The following TNRC6B variants were observed in gnomAD, a reference collection of about 807,000 sequenced individuals.
TNRC6B encodes the protein trinucleotide repeat-containing gene 6B protein.
Under a neutral mutation model 203.6 loss-of-function variants are expected in TNRC6B, and 52 were observed. The ratio of observed to expected loss-of-function variants is 0.26; its 90% confidence interval spans 0.20 to 0.32. The LOEUF is 0.32. Among genes scored for constraint, TNRC6B ranks in the 10% least tolerant of loss-of-function variants. The probability of loss-of-function intolerance (pLI) is 1.00; values close to 1 mark genes in which losing one functional copy is unlikely to be tolerated. For missense variants in TNRC6B, 1,923 were observed against 2,286.2 expected, an observed-to-expected ratio of 0.84 and a Z score of 3.24; for synonymous variants, 838 against 845.7, an observed-to-expected ratio of 0.99 and a Z score of 0.16.
chr22:40,333,404 TC>T lies in TNRC6B; in HGVS notation c.*10165del, dbSNP rs1388634665. 6.6e-6 allele frequency: 1 copy of T among 152,584 alleles called. No homozygotes were observed. The highest frequency in any genetic ancestry group is 1.9e-4 in the East Asian group (1 of 5,194). The allele number at this position is 152,584 out of a possible 1,614,324, so 9.5% of individuals were successfully genotyped here. ...CCTGTCTTAAATAGCTGCCATCTCTTCCAGCAATCTAGTGCCAGGGTAAGAA... is the reference window on the plus strand; with the variant it reads ...CCTGTCTTAAATAGCTGCCATCTCTTCAGCAATCTAGTGCCAGGGTAAGAA... On this transcript the variant is annotated 3_prime_UTR_variant, in exon 23 of 23. Coordinates refer to ENST00000454349, the MANE Select transcript of TNRC6B (RefSeq NM_001162501.2).
intron 11 of TNRC6B, among the ~76,000 whole-genome samples, chr22:40,283,679 G>C (rs1286702968): frequency 6.6e-6 from 1 of 152,142 alleles, no homozygotes; most frequent in Non-Finnish European, 1.5e-5. Flanking sequence ...ATATATCATA[G>C]TGCTTTGTGT....
chr22:40,250,561 C>T (rs577516716), intron 2 of TNRC6B, among the ~76,000 whole-genome samples: 6 of 152,132 alleles, frequency 3.9e-5, no homozygotes, highest in Non-Finnish European at 5.9e-5. Flanking sequence ...TTGATAATAA[C>T]AGCAAACATT....
At chr22:40,172,731 A>C (rs2069013966) in intron 4 of TNRC6B, among the ~76,000 whole-genome samples, 1 of 152,268 alleles carries the variant, frequency 6.6e-6, no homozygotes, top group South Asian at 2.1e-4. Context: ...CTCCTGGAAC[A>C]GTAAGGATAA....
chr22:40,148,133 A>G (rs774536990), intron 3 of TNRC6B, among the ~76,000 whole-genome samples: 2 of 152,214 alleles, frequency 1.3e-5, no homozygotes, highest in Non-Finnish European at 2.9e-5. Context: ...AAGATGTTCA[A>G]CATGAGTGCA....
At chr22:40,083,297 A>G (rs1286756487) in intron 1 of TNRC6B, among the ~76,000 whole-genome samples, 2 of 152,184 alleles carry the variant, frequency 1.3e-5, no homozygotes, top group Admixed American at 6.5e-5. Flanking sequence ...AATGAAATCA[A>G]AAGGAGATCA....
intron 3 of TNRC6B, among the ~76,000 whole-genome samples, chr22:40,151,174 G>C (rs1000505079): frequency 6.6e-6 from 1 of 151,276 alleles, no homozygotes; most frequent in South Asian, 2.1e-4. Flanking sequence ...AGGAGGCTGA[G>C]GCATGAGAAT....
rs537198798 is a variant in TNRC6B, at chr22:40,136,894, T to G, written c.45+11032T>G. On this transcript the variant is annotated intron_variant, in intron 3 of 23. Transcript: ENST00000301923. ...TATCAAAGGCAGCAAGTAAACGTAG[T>G]CTTTGTCTACAGAGAATAAAGTCAT... Among the ~76,000 whole-genome samples, 3 of 152,296 alleles carry G rather than the reference T, an allele frequency of 2.0e-5. No homozygotes were observed. In the South Asian group the frequency reaches 6.2e-4, roughly 32 times the overall value.
intron 1 of TNRC6B, among the ~76,000 whole-genome samples, chr22:40,080,891 G>A (rs748318784): frequency 7.4e-5 from 11 of 148,382 alleles, no homozygotes; most frequent in South Asian, 2.1e-4. Context: ...GAGTCTCGCC[G>A]TGACACCCAG....
chr22:40,192,333 C>T (rs1190517744), intron 1 of TNRC6B, among the ~76,000 whole-genome samples: 1 of 152,162 alleles, frequency 6.6e-6, no homozygotes, highest in Non-Finnish European at 1.5e-5. Flanking sequence ...GATGGAAAGA[C>T]CAGGCTGGGT....
At chr22:40,253,359 G>C (rs939261212) in intron 3 of TNRC6B, among the ~76,000 whole-genome samples, 4 of 151,542 alleles carry the variant, frequency 2.6e-5, no homozygotes, top group African/African-American at 9.7e-5. Context: ...CAAAGTGCTG[G>C]GATTACAGGT....
chr22:40,208,401 A>C (rs565124173), intron 1 of TNRC6B, among the ~76,000 whole-genome samples: 2 of 152,302 alleles, frequency 1.3e-5, no homozygotes, highest in African/African-American at 4.8e-5. Flanking sequence ...TGGAAACCTT[A>C]ATGCCCATCA....
chr22:40,053,125 A>T (rs1267330117), intron 1 of TNRC6B, among the ~76,000 whole-genome samples: 5 of 151,816 alleles, frequency 3.3e-5, no homozygotes, highest in Non-Finnish European at 5.9e-5. Context: ...TTAGGTATTT[A>T]ACATATACCA....
At chr22:40,122,317 C>T (rs1054856251) in intron 2 of TNRC6B, among the ~76,000 whole-genome samples, 11 of 152,120 alleles carry the variant, frequency 7.2e-5, no homozygotes, top group Admixed American at 4.6e-4. Flanking sequence ...CGCCCATTCC[C>T]GCTGCCACTG....
At chr22:40,070,471 C>A (rs949068527) in intron 1 of TNRC6B, among the ~76,000 whole-genome samples, 2 of 152,126 alleles carry the variant, frequency 1.3e-5, no homozygotes, top group Admixed American at 6.5e-5. Context: ...TGTCTTCACT[C>A]CATTCTGATA....
intron 1 of TNRC6B, among the ~76,000 whole-genome samples, chr22:40,239,847 C>CT (rs909776902): frequency 8.6e-5 from 13 of 151,736 alleles, no homozygotes; most frequent in Middle Eastern, 6.8e-3. Flanking sequence ...GTTTTTCTTT[C>CT]TTTTTTTTGA....
chr22:40,131,289 A>G (rs910064424), intron 3 of TNRC6B, among the ~76,000 whole-genome samples: 5 of 152,112 alleles, frequency 3.3e-5, no homozygotes, highest in African/African-American at 1.2e-4. Context: ...GAAACTGTGC[A>G]GCATCTTCCG....
intron 1 of TNRC6B, among the ~76,000 whole-genome samples, chr22:40,245,160 G>T (rs5750914): frequency 0.32 from 48,452 of 151,816 alleles, 9,565 homozygotes; most frequent in East Asian, 0.57. Flanking sequence ...GCACTATCTT[G>T]GCTCACTCCA....
chr22:40,075,424 T>C (rs920068536), intron 1 of TNRC6B, among the ~76,000 whole-genome samples: 21 of 151,994 alleles, frequency 1.4e-4, no homozygotes, highest in African/African-American at 5.1e-4. Context: ...CTGAAGGCTA[T>C]ATTGTGTGAT....
At chr22:40,273,386 A>G in intron 6 of TNRC6B, 39 bp from the exon 7 acceptor site, 2 of 1,519,136 alleles carry the variant, frequency 1.3e-6, no homozygotes, top group Non-Finnish European at 1.8e-6. Context: ...ATTGTTTTAT[A>G]TAGCTGTTGC....
Sources: gnomAD v4.1 joint callset for allele counts (sites outside exome capture counted in the v4.1 genomes callset) on GRCh38, gnomAD v4.1.1 for gene constraint, MANE v1.5 for transcripts, NCBI Gene and HGNC (gene_info 2026-07-23, HGNC 2026-07-21) for gene names.